NLRP11: variants seen among roughly 807,000 people sequenced by gnomAD.
The protein encoded by NLRP11 is NACHT, LRR and PYD domains-containing protein 11.
A neutral mutation model predicts 79.3 loss-of-function variants in NLRP11; 53 were observed. The observed-to-expected ratio is 0.67, with a 90% confidence interval of 0.54 to 0.84. The LOEUF (loss-of-function observed/expected upper bound fraction) is 0.84. Ranked by LOEUF, NLRP11 falls within the 40% of genes least tolerant of loss-of-function variation. The pLI, the probability that NLRP11 is intolerant of heterozygous loss-of-function variation, is 0.00. For missense variants in NLRP11, 1,264 were observed against 1,255.0 expected (o/e 1.01, Z -0.11); for synonymous variants, 518 against 462.6 (o/e 1.12, Z -1.54).
At chr19:55,813,109 C>T (rs545114102) in intron 2 of NLRP11, among the ~76,000 whole-genome samples, 1 of 152,260 alleles carries the variant, frequency 6.6e-6, no homozygotes, top group East Asian at 1.9e-4. Flanking sequence ...GGGCAGATCA[C>T]CTGAGGTCAG....
intron 4 of NLRP11, among the ~76,000 whole-genome samples, chr19:55,804,533 G>A (rs981605542): frequency 2.0e-5 from 3 of 151,826 alleles, no homozygotes; most frequent in East Asian, 1.9e-4. Flanking sequence ...GCATGTTCTC[G>A]CTTGTAAGAG....
chr19:55,810,149 T>G, exon 3 of NLRP11: 1 of 1,613,864 alleles, frequency 6.2e-7, no homozygotes, highest in South Asian at 1.1e-5. Context: ...AGATGCTCTC[T>G]CTCCCATCAG....
intron 1 of NLRP11, among the ~76,000 whole-genome samples, chr19:55,829,691 C>A (rs1223699296): frequency 3.5e-5 from 5 of 142,688 alleles, no homozygotes; most frequent in East Asian, 4.1e-4. Flanking sequence ...AAAAATCGTA[C>A]TTTAAAGAAC....
chr19:55,808,427 C>T (rs1443037476), intron 3 of NLRP11, among the ~76,000 whole-genome samples: 1 of 152,102 alleles, frequency 6.6e-6, no homozygotes, highest in Admixed American at 6.5e-5. Flanking sequence ...GCTAAGCAGA[C>T]ATTTGGTGAT....
intron 2 of NLRP11, among the ~76,000 whole-genome samples, chr19:55,810,617 C>T (rs1184049888): frequency 6.6e-6 from 1 of 152,190 alleles, no homozygotes; most frequent in Non-Finnish European, 1.5e-5. Flanking sequence ...CTGCCTCAGC[C>T]TCCCAAGTAG....
At chr19:55,812,708 G>A (rs573484439) in intron 2 of NLRP11, among the ~76,000 whole-genome samples, 59 of 152,204 alleles carry the variant, frequency 3.9e-4, no homozygotes, top group African/African-American at 1.3e-3. Flanking sequence ...ATGAAAAATA[G>A]AACTACCCTA....
chr19:55,801,777 G>C (rs1979508124), intron 4 of NLRP11, 38 bp from the exon 5 acceptor site: 1 of 1,571,280 alleles, frequency 6.4e-7, no homozygotes, highest in African/African-American at 1.3e-5. Flanking sequence ...ACTAGTGAAG[G>C]TCTGAACATC....
chr19:55,802,492 A>G (rs1037274071), intron 4 of NLRP11, among the ~76,000 whole-genome samples: 3 of 152,216 alleles, frequency 2.0e-5, no homozygotes, highest in African/African-American at 7.2e-5. Context: ...GAATTACAAA[A>G]CACTGCTCAA....
rs1447762001 is a variant in NLRP11 at position 55,809,901 on chromosome 19, C to G, written c.709G>C (p.Glu237Gln). The G allele has an allele frequency of 1.2e-6, 2 of 1,614,102 alleles. No homozygotes were observed. Among genetic ancestry groups the G allele is most frequent in the Non-Finnish European group, 1.7e-6 (2 of 1,179,988 alleles). Residue 237 changes from glutamate (E) to glutamine (Q), a missense_variant, in exon 3 of 10, where the codon GAG becomes CAG. Glu to Gln is a conservative substitution (Grantham distance 29, BLOSUM62 2). Transcript: ENST00000589093. The surrounding 1 kb of genome is among the most constrained non-coding windows in gnomAD (Gnocchi z 4.5). ...AAAGCACTTTCATTGACATTTAACT[C>G]GAATCTTATGTTGTCCAAGTCCTCG...
chr19:55,817,774 C>G, intron 2 of NLRP11, 130 bp downstream of exon 2: 1 of 707,062 alleles, frequency 1.4e-6, no homozygotes, highest in Admixed American at 2.7e-5. Context: ...CACTAAAGAA[C>G]TTACTCATGT....
At chr19:55,836,351 T>A (rs1162283675), upstream of NLRP11, 1 of 151,988 alleles carries the variant, frequency 6.6e-6, no homozygotes, top group Non-Finnish European at 1.5e-5. Flanking sequence ...GCTTGAAATA[T>A]CCCCCGCTCT....
intron 1 of NLRP11, among the ~76,000 whole-genome samples, chr19:55,821,569 C>T (rs117154631): frequency 3.3e-5 from 5 of 152,314 alleles, no homozygotes; most frequent in East Asian, 1.9e-4. Context: ...CATTGAATGA[C>T]GTCCTCCTAA....
exon 3 of NLRP11, chr19:55,810,055 G>A: frequency 6.2e-7 from 1 of 1,614,096 alleles, no homozygotes; most frequent in Non-Finnish European, 8.5e-7. Context: ...GAGCAGTGAG[G>A]TGAACGACGT....
intron 2 of NLRP11, among the ~76,000 whole-genome samples, chr19:55,813,343 A>C (rs1376507185): frequency 2.6e-5 from 4 of 152,092 alleles, no homozygotes; most frequent in African/African-American, 9.7e-5. Flanking sequence ...GTTACAGGTC[A>C]AGTAGTTTCT....
chr19:55,822,338 C>T (rs2616945), intron 1 of NLRP11, among the ~76,000 whole-genome samples: 73,198 of 152,112 alleles, frequency 0.48, 20,706 homozygotes, highest in African/African-American at 0.79. Flanking sequence ...GATATCTTTA[C>T]GTCATGACTG....
chr19:55,804,439 A>T (rs1389889479), intron 4 of NLRP11, among the ~76,000 whole-genome samples: 6 of 147,174 alleles, frequency 4.1e-5, no homozygotes, highest in Non-Finnish European at 6.0e-5. Flanking sequence ...AAAAGAGAGC[A>T]TTTTTTTTTT....
upstream of NLRP11, among the ~76,000 whole-genome samples, chr19:55,835,454 A>C (rs1316032362): frequency 6.6e-6 from 1 of 152,232 alleles, no homozygotes; most frequent in Non-Finnish European, 1.5e-5. Context: ...TAATCCCAGC[A>C]CTTTGGGAGG....
intron 4 of NLRP11, among the ~76,000 whole-genome samples, chr19:55,804,676 T>A (rs1444765020): frequency 6.6e-6 from 1 of 152,174 alleles, no homozygotes; most frequent in African/African-American, 2.4e-5. Context: ...TACAGTCTTA[T>A]AGTCTATATA....
At chr19:55,821,288 C>A (rs939221118) in intron 1 of NLRP11, among the ~76,000 whole-genome samples, 2 of 151,422 alleles carry the variant, frequency 1.3e-5, no homozygotes, top group African/African-American at 4.9e-5. Flanking sequence ...CCACAGCAGC[C>A]AATACCTCGT....
Sources: gnomAD v4.1 joint callset for allele counts (sites outside exome capture counted in the v4.1 genomes callset) on GRCh38, gnomAD v4.1.1 for gene constraint, Gnocchi (gnomAD v3.1) non-coding constraint, MANE v1.5 for transcripts, NCBI Gene and HGNC (gene_info 2026-07-23, HGNC 2026-07-21) for gene names.